The following IQSEC1 variants were observed in gnomAD, a reference collection of about 807,000 sequenced individuals.
The protein encoded by IQSEC1 is IQ motif and SEC7 domain-containing protein 1.
IQSEC1 carries 31 observed loss-of-function variants against 91.0 expected under a neutral mutation model. The observed-to-expected ratio is 0.34, with a 90% CI of 0.26 to 0.46. The LOEUF is 0.46. Ranked by LOEUF, IQSEC1 falls within the 20% of genes least tolerant of loss-of-function variation. IQSEC1 has a pLI of 1.00. For synonymous variants in IQSEC1, 699 were observed against 662.6 expected (o/e 1.05, Z -0.84); for missense variants, 1,388 against 1,575.6 (o/e 0.88, Z 2.02).
intron 1 of IQSEC1, among the ~76,000 whole-genome samples, chr3:13,275,717 T>C (rs531950325): frequency 1.3e-5 from 2 of 152,364 alleles, no homozygotes; most frequent in Admixed American, 1.3e-4. Flanking sequence ...CTCTGTAATC[T>C]TCCAGGTACA....
intron 3 of IQSEC1, among the ~76,000 whole-genome samples, chr3:12,931,834 C>T (rs929200835): frequency 6.6e-6 from 1 of 152,200 alleles, no homozygotes; most frequent in African/African-American, 2.4e-5. Flanking sequence ...GGGCTGCCTC[C>T]AGGTACAGGG....
chr3:12,977,564 C>A (rs17825940), intron 1 of IQSEC1, among the ~76,000 whole-genome samples: 2 of 152,150 alleles, frequency 1.3e-5, no homozygotes, highest in Non-Finnish European at 2.9e-5. Context: ...GGCTTAGACA[C>A]CGTGGCAGGG....
chr3:13,195,279 G>C (rs1694105993), intron 1 of IQSEC1, among the ~76,000 whole-genome samples: 1 of 152,200 alleles, frequency 6.6e-6, no homozygotes, highest in Non-Finnish European at 1.5e-5. Flanking sequence ...GAAAATGCAA[G>C]ATGAGATGCC....
intron 1 of IQSEC1, among the ~76,000 whole-genome samples, chr3:13,247,400 G>A (rs13327332): frequency 0.12 from 18,753 of 152,210 alleles, 2,695 homozygotes; most frequent in African/African-American, 0.35. Flanking sequence ...AGCCAGAGGT[G>A]TGCACTGCAG....
intron 1 of IQSEC1, among the ~76,000 whole-genome samples, chr3:13,266,410 C>A (rs1576316301): frequency 1.3e-5 from 2 of 152,274 alleles, no homozygotes; most frequent in African/African-American, 4.8e-5. Flanking sequence ...CAGCCTCTTA[C>A]AGGCTAAAAG....
At chr3:13,248,499 C>T (rs1241630949) in intron 1 of IQSEC1, among the ~76,000 whole-genome samples, 1 of 152,170 alleles carries the variant, frequency 6.6e-6, no homozygotes, top group African/African-American at 2.4e-5. Flanking sequence ...ATGCCAACCC[C>T]TTCCTTGGCT....
intron 1 of IQSEC1, among the ~76,000 whole-genome samples, chr3:13,192,494 G>C (rs560548930): frequency 9.9e-5 from 15 of 152,230 alleles, no homozygotes; most frequent in African/African-American, 2.9e-4. Context: ...GACGGACGAC[G>C]TGAAGATGCA....
At chr3:13,030,056 A>G (rs755735716) in intron 1 of IQSEC1, among the ~76,000 whole-genome samples, 12 of 152,242 alleles carry the variant, frequency 7.9e-5, no homozygotes, top group Middle Eastern at 3.4e-3. Flanking sequence ...TTCCCATCTC[A>G]GCTTCCGGAA....
chr3:13,232,662 C>T (rs572603774), intron 1 of IQSEC1, among the ~76,000 whole-genome samples: 2 of 152,220 alleles, frequency 1.3e-5, no homozygotes, highest in East Asian at 3.9e-4. Context: ...GAGCCACAGC[C>T]TCATGGGCTA....
chr3:13,206,083 G>A (rs142249482), intron 1 of IQSEC1, among the ~76,000 whole-genome samples: 2 of 130,018 alleles, frequency 1.5e-5, no homozygotes, highest in Non-Finnish European at 3.2e-5. Flanking sequence ...CTCTCCATCC[G>A]GTCAACCATT....
chr3:13,048,954 C>T (rs1200323296), intron 1 of IQSEC1, among the ~76,000 whole-genome samples: 2 of 152,208 alleles, frequency 1.3e-5, no homozygotes, highest in Admixed American at 1.3e-4. Context: ...GGCAGCCATG[C>T]CTTGCCAAAG....
intron 2 of IQSEC1, among the ~76,000 whole-genome samples, chr3:13,127,848 A>G (rs1188826585): frequency 1.3e-5 from 2 of 152,236 alleles, no homozygotes; most frequent in East Asian, 1.9e-4. Flanking sequence ...TACAAATCCC[A>G]TATGTTTTCA....
intron 1 of IQSEC1, among the ~76,000 whole-genome samples, chr3:12,981,366 T>TG (rs1265471229): frequency 6.6e-6 from 1 of 152,128 alleles, no homozygotes; most frequent in African/African-American, 2.4e-5. Context: ...TGTTTAAAAA[T>TG]GGGGGGATAA....
intron 1 of IQSEC1, among the ~76,000 whole-genome samples, chr3:13,168,810 G>A (rs908034085): frequency 3.3e-5 from 5 of 152,092 alleles, no homozygotes; most frequent in Non-Finnish European, 7.4e-5. Flanking sequence ...CTTAGGACAG[G>A]CCTTCCTGGT....
chr3:13,102,611 AT>A (rs1223357817), intron 2 of IQSEC1, among the ~76,000 whole-genome samples: 1 of 151,906 alleles, frequency 6.6e-6, no homozygotes, highest in Non-Finnish European at 1.5e-5. Flanking sequence ...TCGGGTGGGG[AT>A]TGGGGATTTG....
chr3:13,253,987 A>G (rs1311656993), intron 1 of IQSEC1, among the ~76,000 whole-genome samples: 1 of 152,196 alleles, frequency 6.6e-6, no homozygotes, highest in African/African-American at 2.4e-5. Context: ...GCTTCTGACC[A>G]ACAGGTGATG....
chr3:12,933,231 C>G (rs911239198), intron 3 of IQSEC1, among the ~76,000 whole-genome samples: 1 of 152,200 alleles, frequency 6.6e-6, no homozygotes, highest in African/African-American at 2.4e-5. Flanking sequence ...AGCTAAGACC[C>G]AGCAATTCCA....
chr3:13,043,818 C>A lies in IQSEC1; in HGVS notation c.23+29174G>T, dbSNP rs111905599. On this transcript the variant is annotated intron_variant, in intron 1 of 13. Coordinates refer to ENST00000613206, the MANE Select transcript of IQSEC1 (RefSeq NM_001134382.3). ...TCACCCCCTCTGGCCGCTTTGGGGC[C>A]CAGGTTTGCACAACCCGACATCGTT... is the stretch of plus-strand genomic sequence containing the variant. Among the ~76,000 whole-genome samples the A allele has an allele frequency of 5.8e-3, 881 of 152,264 alleles. 3 individuals carry two copies. Among genetic ancestry groups the A allele is most frequent in the Non-Finnish European group, 7.8e-3 (530 of 68,020 alleles).
intron 1 of IQSEC1, among the ~76,000 whole-genome samples, chr3:13,035,191 C>T (rs941447767): frequency 2.6e-5 from 4 of 152,224 alleles, no homozygotes; most frequent in African/African-American, 9.6e-5. Flanking sequence ...GTAGGCGCCC[C>T]GGCTCCTAAT....
Sources: allele counts gnomAD v4.1 joint callset (sites outside exome capture counted in the v4.1 genomes callset), GRCh38; gene constraint gnomAD v4.1.1; transcripts MANE v1.5; gene names NCBI Gene and HGNC (gene_info 2026-07-23, HGNC 2026-07-21).